Variants in CLEC16A observed in about 807,000 individuals in gnomAD.
The protein encoded by CLEC16A is protein CLEC16A.
A neutral mutation model predicts 109.5 loss-of-function variants in CLEC16A; 51 were observed. The observed-to-expected ratio is 0.47, with a 90% CI of 0.37 to 0.59. The LOEUF is 0.59. Ranked by LOEUF, CLEC16A falls within the 20% of genes least tolerant of loss-of-function variation. The pLI, the probability that CLEC16A is intolerant of heterozygous loss-of-function variation, is 0.00. For synonymous variants in CLEC16A, 673 were observed against 564.2 expected, an observed-to-expected ratio of 1.19 and a Z score of -2.73; for missense variants, 1,339 against 1,394.0, an observed-to-expected ratio of 0.96 and a Z score of 0.63.
intron 1 of CLEC16A, among the ~76,000 whole-genome samples, chr16:10,945,333 G>C (rs1162520544): frequency 6.6e-6 from 1 of 152,176 alleles, no homozygotes; most frequent in African/African-American, 2.4e-5. Context: ...TCATTAAACG[G>C]CATTAATTAT....
intron 22 of CLEC16A, among the ~76,000 whole-genome samples, chr16:11,138,336 CAG>C (rs1436788177): frequency 1.3e-5 from 2 of 152,140 alleles, no homozygotes; most frequent in Non-Finnish European, 2.9e-5. Context: ...TAGGGATGAA[CAG>C]AGAGCTGGGA....
chr16:11,179,176 T>C lies in CLEC16A; in HGVS notation c.*486T>C, dbSNP rs201408992. ...CAGGTGAACATTTATTTTTAAAACT[T>C]CTATTTAAAAGAAGTCCAAAAACAT... is the stretch of plus-strand genomic sequence containing the variant. On this transcript the variant is annotated 3_prime_UTR_variant, in exon 24 of 24. Coordinates refer to ENST00000409790, the MANE Select transcript of CLEC16A (RefSeq NM_015226.3). The C allele has an allele frequency of 4.5e-5, 7 of 154,728 alleles. No homozygotes were observed. The highest frequency in any genetic ancestry group is 8.6e-5 in the Non-Finnish European group (6 of 69,860). The allele number at this position is 154,728 out of a possible 1,614,324, so 9.6% of individuals were successfully genotyped here. A position where few individuals can be genotyped will look rare whatever the true frequency, so the allele number is the denominator to read the frequency against.
At chr16:10,994,372 T>G (rs1253655454) in intron 10 of CLEC16A, among the ~76,000 whole-genome samples, 2 of 152,186 alleles carry the variant, frequency 1.3e-5, no homozygotes, top group African/African-American at 4.8e-5. Context: ...TACATCACCC[T>G]GGGGTACATC....
At chr16:10,944,926 TAAG>T in intron 1 of CLEC16A, 129 bp downstream of exon 1, 2 of 869,812 alleles carry the variant, frequency 2.3e-6, no homozygotes. Flanking sequence ...GTGTGGTGGT[TAAG>T]AGCGAGGGCT....
Position 11,035,640 on chromosome 16 carries a change from T to C in CLEC16A, c.1538-4114T>C, listed in dbSNP as rs147813611. 1.5e-3 allele frequency among the ~76,000 whole-genome samples: 224 copies of C among 152,344 alleles called. 5 individuals are homozygous for C. The East Asian group carries it at 0.037, about 25-fold the overall frequency. ...AATGGAAATACTATTAGCCACTTCA[T>C]GGAATGTCATGAGGATGAAATGAAG... On this transcript the variant is annotated intron_variant, in intron 13 of 23. Coordinates refer to ENST00000409790, the MANE Select transcript of CLEC16A (RefSeq NM_015226.3).
In CLEC16A at chr16:10,971,290, T is replaced by C. The variant is rs918191968; in HGVS notation, c.598+60T>C. 28 of 1,211,436 alleles carry C rather than the reference T, an allele frequency of 2.3e-5. No homozygotes were observed. In the Middle Eastern group the frequency reaches 1.7e-3, roughly 73 times the overall value. 75.0% of individuals were successfully genotyped at this position (1,211,436 alleles called of 1,614,324 possible). On this transcript the variant is annotated intron_variant, in intron 5 of 23. Transcript: ENST00000409790. ...TTCTGACTTGGCAGCAAGCACTCAC[T>C]CCCGTGTGTGTGCGTACAGTTCTCC...
rs1451737390 is a variant in CLEC16A at position 10,961,229 on chromosome 16, A to G, written c.210-1226A>G. 1.3e-5 allele frequency among the ~76,000 whole-genome samples: 2 copies of G among 152,198 alleles called. No individual in the cohort carries two copies. The highest frequency in any genetic ancestry group is 4.8e-5 in the African/African-American group (2 of 41,432). On this transcript the variant is annotated intron_variant, in intron 2 of 23. Transcript: ENST00000409790. This position sits in a 1 kb window ranked among gnomAD's most constrained non-coding sequence, Gnocchi z 4.3. ...TACTCTGGAGGTCAACATGAATGGC[A>G]TTTACAGGCAGATGGGCCTCCGAGT...
rs1444169865 is a variant in CLEC16A, at chr16:10,978,883, G to A, written c.904-446G>A. Among the ~76,000 whole-genome samples the A allele has an allele frequency of 8.5e-5, 13 of 152,184 alleles. No homozygotes were observed. In the South Asian group the frequency reaches 2.1e-3, roughly 24 times the overall value. On this transcript the variant is annotated intron_variant, in intron 8 of 23. Coordinates refer to ENST00000409790, the MANE Select transcript of CLEC16A (RefSeq NM_015226.3). Reference sequence around the variant, plus strand: ...TATTCTTCTCTAACAGGGTGGGTGTGAAATGGAGCATCTTGAAATTCATTA... The same window carrying A: ...TATTCTTCTCTAACAGGGTGGGTGTAAAATGGAGCATCTTGAAATTCATTA...
At chr16:11,082,043 A>T (rs2049751239) in intron 19 of CLEC16A, among the ~76,000 whole-genome samples, 1 of 152,112 alleles carries the variant, frequency 6.6e-6, no homozygotes, top group Admixed American at 6.5e-5. Context: ...AAAAAAGAAG[A>T]ATATTGTCGA....
At chr16:10,973,786 A>G (rs145926529) in intron 7 of CLEC16A, among the ~76,000 whole-genome samples, 1,853 of 150,182 alleles carry the variant, frequency 0.012, 32 homozygotes, top group African/African-American at 0.043. Context: ...GCCCAGGCCA[A>G]TCTTGCATTC....
At chr16:11,056,718 A>C (rs908312977) in intron 18 of CLEC16A, 5 of 152,250 alleles carry the variant, frequency 3.3e-5, no homozygotes. Context: ...ATTAAAGAAA[A>C]TACAATAACA....
At chr16:11,076,378 G>C (rs1368688724) in intron 19 of CLEC16A, among the ~76,000 whole-genome samples, 1 of 152,218 alleles carries the variant, frequency 6.6e-6, no homozygotes, top group Admixed American at 6.5e-5. Flanking sequence ...GGGGAGGGGA[G>C]GGCAGTAAGA....
chr16:10,991,708 G>A (rs1425696745), intron 10 of CLEC16A, among the ~76,000 whole-genome samples: 1 of 152,204 alleles, frequency 6.6e-6, no homozygotes, highest in East Asian at 1.9e-4. Flanking sequence ...GTCTCGGTAC[G>A]GGAATCAAAC....
In CLEC16A at chr16:11,126,158, C is replaced by A. The variant is rs753231134; in HGVS notation, c.2641+12C>A. On this transcript the variant is annotated intron_variant, in intron 22 of 23. Coordinates refer to ENST00000409790, the MANE Select transcript of CLEC16A (RefSeq NM_015226.3). ...GGACAAGGTGCCAGGTGAGCCAGCC[C>A]CCCGCCCTGCGCCACAGCTCGTTCA... is the stretch of plus-strand genomic sequence containing the variant. The A allele has an allele frequency of 1.2e-6, 2 of 1,613,676 alleles. No individual in the cohort carries two copies. Among genetic ancestry groups the A allele is most frequent in the Non-Finnish European group, 8.5e-7 (1 of 1,179,862 alleles).
At chr16:11,014,173 G>A (rs906220048) in intron 11 of CLEC16A, among the ~76,000 whole-genome samples, 6 of 152,244 alleles carry the variant, frequency 3.9e-5, no homozygotes, top group African/African-American at 1.4e-4. Context: ...GTAAAAATAA[G>A]CAGATTTGTG....
chr16:11,092,951 C>A (rs1157396757), intron 19 of CLEC16A, among the ~76,000 whole-genome samples: 2 of 152,208 alleles, frequency 1.3e-5, no homozygotes, highest in Non-Finnish European at 2.9e-5. Context: ...GGAGACAGGC[C>A]AGGAGGCAGG....
chr16:11,015,015 G>A (rs889712336), intron 11 of CLEC16A, among the ~76,000 whole-genome samples: 2 of 152,160 alleles, frequency 1.3e-5, no homozygotes, highest in African/African-American at 4.8e-5. Context: ...CTACCAACTG[G>A]TCCCATGCCC....
intron 19 of CLEC16A, among the ~76,000 whole-genome samples, chr16:11,068,218 A>AG (rs1382055529): frequency 6.6e-6 from 1 of 152,232 alleles, no homozygotes; most frequent in African/African-American, 2.4e-5. Flanking sequence ...CCAACTTTGC[A>AG]GGGTTATTGT....
intron 22 of CLEC16A, among the ~76,000 whole-genome samples, chr16:11,138,792 C>T (rs944860244): frequency 2.2e-4 from 33 of 152,158 alleles, no homozygotes; most frequent in African/African-American, 7.2e-4. Flanking sequence ...TTGACTGCTG[C>T]GATCATCTGG....
Sources: allele counts gnomAD v4.1 joint callset (sites outside exome capture counted in the v4.1 genomes callset), GRCh38; gene constraint gnomAD v4.1.1; non-coding constraint Gnocchi (gnomAD v3.1); transcripts MANE v1.5; gene names NCBI Gene and HGNC (gene_info 2026-07-23, HGNC 2026-07-21).